Variants in ZNF705B observed in about 807,000 individuals in gnomAD.
ZNF705B encodes zinc finger protein 705B, also known as Putative zinc finger protein 705D-like protein LOC100132396.
In ZNF705B, 1 loss-of-function variant was observed where a neutral mutation model predicts 10.5. That is an observed-to-expected ratio of 0.10 (90% CI 0.03 to 0.45). ZNF705B has a LOEUF of 0.45. Ranked by LOEUF, ZNF705B falls within the 20% of genes least tolerant of loss-of-function variation. The probability of loss-of-function intolerance (pLI) is 0.97; values close to 1 mark genes in which losing one functional copy is unlikely to be tolerated. For missense variants in ZNF705B, 14 were observed against 84.0 expected (o/e 0.17, Z 3.26); for synonymous variants, 4 against 25.4 (o/e 0.16, Z 2.53).
intron 2 of ZNF705B, among the ~76,000 whole-genome samples, chr8:7,930,960 A>T (rs1409956941): frequency 7.9e-6 from 1 of 126,884 alleles, no homozygotes; most frequent in Non-Finnish European, 1.9e-5. Flanking sequence ...GGCTCAAGCA[A>T]TTCTCCTGCC....
intron 2 of ZNF705B, among the ~76,000 whole-genome samples, chr8:7,940,991 C>T (rs1312258106): frequency 4.0e-5 from 6 of 148,960 alleles, no homozygotes; most frequent in African/African-American, 1.2e-4. Context: ...CTTCCAGCTC[C>T]ATTCATGTTC....
intron 1 of ZNF705B, among the ~76,000 whole-genome samples, chr8:7,928,173 G>T (rs184969389): frequency 0.031 from 3,347 of 109,138 alleles, 133 homozygotes; most frequent in African/African-American, 0.086. Flanking sequence ...GCTCCTTCAG[G>T]CCTCTTTTAT....
At chr8:7,936,953 A>G (rs1394401217) in intron 2 of ZNF705B, among the ~76,000 whole-genome samples, 1 of 120,308 alleles carries the variant, frequency 8.3e-6, no homozygotes, top group Non-Finnish European at 2.0e-5. Context: ...GAATTCAAGT[A>G]ACATTAGGGA....
Position 7,926,637 on chromosome 8 carries a change from G to T in ZNF705B, c.-222+240G>T, listed in dbSNP as rs545313504. Reference sequence around the variant, plus strand: ...TTCATGCTGAAATCTAATCCCCAATGCAATAGTGTTAAGAAGCGGAACATT... The same window carrying T: ...TTCATGCTGAAATCTAATCCCCAATTCAATAGTGTTAAGAAGCGGAACATT... On this transcript the variant is annotated intron_variant, in intron 1 of 6. Transcript: ENST00000400120. Among the ~76,000 whole-genome samples, 99 of 100,198 alleles carry T rather than the reference G, an allele frequency of 9.9e-4. 1 individual carries two copies. Among genetic ancestry groups the T allele is most frequent in the Non-Finnish European group, 1.4e-3 (59 of 41,774 alleles). The allele number at this position is 100,198 out of a possible 152,430, so 65.7% of individuals were successfully genotyped here. A position where few individuals can be genotyped will look rare whatever the true frequency, so the allele number is the denominator to read the frequency against.
intron 2 of ZNF705B, among the ~76,000 whole-genome samples, chr8:7,935,048 A>T (rs1414614845): frequency 1.1e-5 from 1 of 91,762 alleles, no homozygotes; most frequent in Non-Finnish European, 2.9e-5. Context: ...TATATGATAG[A>T]TTATAATAGA....
rs576445099 is a variant in ZNF705B, at chr8:7,930,948, T to C, written c.-72+512T>C. Among the ~76,000 whole-genome samples the C allele has an allele frequency of 1.3e-3, 171 of 127,246 alleles. 11 individuals are homozygous for C. Among genetic ancestry groups the C allele is most frequent in the Non-Finnish European group, 2.5e-3 (135 of 53,790 alleles). The allele number at this position is 127,246 out of a possible 152,430, so 83.5% of individuals were successfully genotyped here. ...TTCAACTCACTGCAGCTCTGCCTCC[T>C]GGGCTCAAGCAATTCTCCTGCCTCA... On this transcript the variant is annotated intron_variant, in intron 2 of 6. Coordinates refer to ENST00000400120, the MANE Select transcript of ZNF705B (RefSeq NM_001193630.1).
intron 1 of ZNF705B, among the ~76,000 whole-genome samples, chr8:7,929,622 A>G (rs1819786343): frequency 8.1e-6 from 1 of 123,514 alleles, no homozygotes; most frequent in Admixed American, 9.1e-5. Context: ...CTCAGGTTAC[A>G]CCCATGCCAT....
Position 7,940,939 on chromosome 8 carries a change from G to A in ZNF705B, c.-71-6412G>A, listed in dbSNP as rs886975907. Among the ~76,000 whole-genome samples, 46 of 148,802 alleles carry A rather than the reference G, an allele frequency of 3.1e-4. 1 individual carries two copies. The East Asian group carries it at 7.2e-3, about 23-fold the overall frequency. On this transcript the variant is annotated intron_variant, in intron 2 of 6. Coordinates refer to ENST00000400120, the MANE Select transcript of ZNF705B (RefSeq NM_001193630.1). The stretch of plus-strand genomic sequence containing the variant: ...CCACTTGTAAGTTAGAACGTGCAGT[G>A]CTTGGTTTTCTGTTCGTGGGTTAGT...
intron 1 of ZNF705B, among the ~76,000 whole-genome samples, chr8:7,927,456 A>G (rs1301705613): frequency 8.3e-6 from 1 of 121,154 alleles, no homozygotes; most frequent in African/African-American, 2.5e-5. Flanking sequence ...GGCTGCATAA[A>G]TGTCTTTTTT....
chr8:7,931,434 T>C (rs6422390), intron 2 of ZNF705B, among the ~76,000 whole-genome samples: 110,661 of 120,838 alleles, frequency 0.92, 50,847 homozygotes, highest in East Asian at 1. Context: ...TGGTGATAGG[T>C]ATGGTGGATT....
chr8:7,928,029 G>C (rs1303555628), intron 1 of ZNF705B, among the ~76,000 whole-genome samples: 3 of 130,168 alleles, frequency 2.3e-5, no homozygotes, highest in Admixed American at 8.3e-5. Context: ...TATAAACAGG[G>C]TGGCTTATAA....
chr8:7,931,603 A>T (rs1475367108), intron 2 of ZNF705B, among the ~76,000 whole-genome samples: 1 of 122,002 alleles, frequency 8.2e-6, no homozygotes, highest in African/African-American at 2.5e-5. Flanking sequence ...AGTGACAGCA[A>T]TGGGTGGGAT....
rs1489652910 is a variant in ZNF705B, at chr8:7,936,513, C to T, written c.-72+6077C>T. Among the ~76,000 whole-genome samples, 121 of 119,114 alleles carry T rather than the reference C, an allele frequency of 1.0e-3. 3 individuals are homozygous for T. The highest frequency in any genetic ancestry group is 2.7e-3 in the African/African-American group (106 of 39,040). The allele number at this position is 119,114 out of a possible 152,430, so 78.1% of individuals were successfully genotyped here. A position where few individuals can be genotyped will look rare whatever the true frequency, so the allele number is the denominator to read the frequency against. ...TGGATTGAATAAAGAAAATGTAGTA[C>T]ATATATGTCACGGAATACTATGCAT... On this transcript the variant is annotated intron_variant, in intron 2 of 6. Coordinates refer to ENST00000400120, the MANE Select transcript of ZNF705B (RefSeq NM_001193630.1).
At chr8:7,930,192 C>T (rs1819804564) in intron 1 of ZNF705B, 95 bp from the exon 2 acceptor site, 1 of 118,806 alleles carries the variant, frequency 8.4e-6, no homozygotes, top group Admixed American at 1.0e-4. Flanking sequence ...TCCATGTCTG[C>T]TCAATGCTTA....
intron 1 of ZNF705B, among the ~76,000 whole-genome samples, chr8:7,928,596 A>G (rs1819760876): frequency 8.9e-6 from 1 of 112,082 alleles, no homozygotes; most frequent in African/African-American, 2.6e-5. Context: ...TTTACCGTGT[A>G]TACTTTCTGC....
rs529742219 is a variant in ZNF705B at position 7,930,771 on chromosome 8, T to C, written c.-72+335T>C. 3.2e-3 allele frequency among the ~76,000 whole-genome samples: 365 copies of C among 113,950 alleles called. 5 individuals are homozygous for C. The highest frequency in any genetic ancestry group is 8.6e-3 in the African/African-American group (331 of 38,464). 74.8% of individuals were successfully genotyped at this position (113,950 alleles called of 152,430 possible). ...AAAGCAATGGCAACGACAACACTAA[T>C]ACTAATAACAAATAATGCTGACCAC... On this transcript the variant is annotated intron_variant, in intron 2 of 6. Transcript: ENST00000400120.
rs1820022040 is a variant in ZNF705B, at chr8:7,936,589, A to G, written c.-72+6153A>G. 1.7e-5 allele frequency among the ~76,000 whole-genome samples: 2 copies of G among 120,236 alleles called. 1 individual carries two copies. The highest frequency in any genetic ancestry group is 1.9e-4 in the Admixed American group (2 of 10,472). The allele number at this position is 120,236 out of a possible 152,430, so 78.9% of individuals were successfully genotyped here. On this transcript the variant is annotated intron_variant, in intron 2 of 6. Transcript: ENST00000400120. ...TTTTCAGCAACATGGATGCAGCTGG[A>G]GGACTTTATTCTAAGCAAATTAGCT...
chr8:7,940,867 G>T (rs2128944672), intron 2 of ZNF705B, among the ~76,000 whole-genome samples: 1 of 145,230 alleles, frequency 6.9e-6, no homozygotes, highest in African/African-American at 2.5e-5. Context: ...AGGCCCCAGT[G>T]TGTGTTGTTC....
rs573038415 is a variant in ZNF705B at position 7,937,603 on chromosome 8, A to T, written c.-72+7167A>T. Among the ~76,000 whole-genome samples, 3 of 122,162 alleles carry T rather than the reference A, an allele frequency of 2.5e-5. No individual in the cohort carries two copies. In the Admixed American group the frequency reaches 2.8e-4, roughly 12 times the overall value. The allele number at this position is 122,162 out of a possible 152,430, so 80.1% of individuals were successfully genotyped here. A position where few individuals can be genotyped will look rare whatever the true frequency, so the allele number is the denominator to read the frequency against. ...AAAATATTTTTAACTGATTAAAAAA[A>T]ATCAAACCCATGTATTTAGCCAGGG... On this transcript the variant is annotated intron_variant, in intron 2 of 6. Coordinates refer to ENST00000400120, the MANE Select transcript of ZNF705B (RefSeq NM_001193630.1).
Sources: allele counts gnomAD v4.1 joint callset (sites outside exome capture counted in the v4.1 genomes callset), GRCh38; gene constraint gnomAD v4.1.1; transcripts MANE v1.5; gene names NCBI Gene and HGNC (gene_info 2026-07-23, HGNC 2026-07-21).